The following STXBP3 variants were observed in gnomAD, a reference collection of about 807,000 sequenced individuals.
The protein encoded by STXBP3 is syntaxin binding protein 3, also known as syntaxin-binding protein 3.
A neutral mutation model predicts 85.7 loss-of-function variants in STXBP3; 41 were observed. The ratio of observed to expected loss-of-function variants is 0.48; its 90% CI spans 0.37 to 0.62. The LOEUF (loss-of-function observed/expected upper bound fraction) is 0.62. Ranked by LOEUF, STXBP3 falls within the 20% of genes least tolerant of loss-of-function variation. The pLI is 0.00. For missense variants in STXBP3, 563 were observed against 703.1 expected, an observed-to-expected ratio of 0.80 and a Z score of 2.25; for synonymous variants, 229 against 231.7, an observed-to-expected ratio of 0.99 and a Z score of 0.10.
At chr1:108,806,162 G>A (rs1416147963) in intron 17 of STXBP3, among the ~76,000 whole-genome samples, 1 of 151,370 alleles carries the variant, frequency 6.6e-6, no homozygotes, top group East Asian at 1.9e-4. Flanking sequence ...AGTGGAGCTT[G>A]TGAACAAAAA....
At position 108,779,674 on chromosome 1, in the gene STXBP3, A is replaced by C. The variant is rs75919641; in HGVS notation, c.809+264A>C. 2,201 of 259,228 alleles carry C rather than the reference A, an allele frequency of 8.5e-3. 16 individuals carry two copies. Among genetic ancestry groups the C allele is most frequent in the Non-Finnish European group, 0.013 (1,767 of 140,372 alleles). The allele number at this position is 259,228 out of a possible 1,614,324, so 16.1% of individuals were successfully genotyped here. On this transcript the variant is annotated intron_variant, in intron 9 of 18. Transcript: ENST00000370008. Reference sequence around the variant, plus strand: ...GTACAGTAGAGCTACATTTAAACACAGGGAATTTGGCCCTTTTGCTTTTAA... The same window carrying C: ...GTACAGTAGAGCTACATTTAAACACCGGGAATTTGGCCCTTTTGCTTTTAA...
chr1:108,793,738 G>A lies in STXBP3; in HGVS notation c.1029+91G>A, dbSNP rs145687242. 1.9e-4 allele frequency: 207 copies of A among 1,069,038 alleles called. No homozygotes were observed. The East Asian group carries it at 4.1e-3, about 21-fold the overall frequency. 66.2% of individuals were successfully genotyped at this position (1,069,038 alleles called of 1,614,324 possible). Reference sequence around the variant, plus strand: ...GTAGTTCGATTTAGCAGTGGGTTTCGTGGAATACTTGGTGTTATTTGTCCT... The same window carrying A: ...GTAGTTCGATTTAGCAGTGGGTTTCATGGAATACTTGGTGTTATTTGTCCT... On this transcript the variant is annotated intron_variant, in intron 12 of 18. Transcript: ENST00000370008.
intron 6 of STXBP3, among the ~76,000 whole-genome samples, chr1:108,761,769 A>T (rs1257610867): frequency 6.6e-6 from 1 of 152,098 alleles, no homozygotes; most frequent in African/African-American, 2.4e-5. Flanking sequence ...TCAGGAGTTC[A>T]AGACCAGCCT....
At chr1:108,759,817 G>T (rs918651805) in intron 5 of STXBP3, among the ~76,000 whole-genome samples, 168 bp from the exon 6 acceptor site, 9 of 151,996 alleles carry the variant, frequency 5.9e-5, no homozygotes, top group Non-Finnish European at 1.2e-4. Context: ...CTTTTCAGTA[G>T]AATATATCTT....
intron 11 of STXBP3, among the ~76,000 whole-genome samples, chr1:108,789,067 AAAAAT>A (rs1276467945): frequency 1.3e-5 from 2 of 152,208 alleles, no homozygotes; most frequent in Non-Finnish European, 2.9e-5. Context: ...CCATGTAAAA[AAAAAT>A]AAAATAAAAT....
intron 8 of STXBP3, among the ~76,000 whole-genome samples, chr1:108,776,871 T>A (rs1425548704): frequency 6.6e-6 from 1 of 152,208 alleles, no homozygotes; most frequent in Admixed American, 6.5e-5. Context: ...TCACTAGTTC[T>A]GTGACCTTGA....
chr1:108,782,359 A>T (rs1340031645), intron 9 of STXBP3, 63 bp from the exon 10 acceptor site: 14 of 1,229,052 alleles, frequency 1.1e-5, no homozygotes, highest in Non-Finnish European at 1.5e-5. Context: ...GTTTGTAAAA[A>T]TGTTTCTTTT....
intron 9 of STXBP3, 68 bp from the exon 10 acceptor site, chr1:108,782,353 GT>G: frequency 8.4e-7 from 1 of 1,183,528 alleles, no homozygotes; most frequent in South Asian, 1.4e-5. Flanking sequence ...ATTATTGTTT[GT>G]AAAAATGTTT....
intron 6 of STXBP3, among the ~76,000 whole-genome samples, 172 bp from the exon 7 acceptor site, chr1:108,772,493 A>G (rs996003448): frequency 1.4e-5 from 2 of 143,602 alleles, no homozygotes; most frequent in Non-Finnish European, 3.0e-5. Context: ...TAAATACATG[A>G]TATCTATCTA....
rs1291295435 is a variant in STXBP3, at chr1:108,808,908, A to T, written c.*31A>T. On this transcript the variant is annotated 3_prime_UTR_variant, in exon 19 of 19. Transcript: ENST00000370008. Reference sequence around the variant, plus strand: ...CTTTTTGGAGGGTTTAGAGATTCTTACTAATATGTTGAACTAAAATAGAAA... The same window carrying T: ...CTTTTTGGAGGGTTTAGAGATTCTTTCTAATATGTTGAACTAAAATAGAAA... The T allele has an allele frequency of 6.9e-7, 1 of 1,443,298 alleles. No individual in the cohort carries two copies. Among genetic ancestry groups the T allele is most frequent in the African/African-American group, 1.4e-5 (1 of 69,766 alleles). The allele number at this position is 1,443,298 out of a possible 1,614,324, so 89.4% of individuals were successfully genotyped here.
At position 108,782,696 on chromosome 1, in the gene STXBP3, C is replaced by A; in HGVS notation, c.953C>A (p.Thr318Lys). The change falls in exon 11 of 19, where the codon ACA (threonine) becomes AAA (lysine). Residue 318 changes from threonine to lysine, a missense_variant. This residue lies in a region of STXBP3 where 494 missense variants were observed against 592.8 expected (regional missense o/e 0.83). Coordinates refer to ENST00000370008, the MANE Select transcript of STXBP3 (RefSeq NM_007269.4). The part of the protein sequence containing the change: ...MKEISSTKKA[T>K]EGKTSLSALT... ...GAAATTTCATCAACAAAGAAAGCAA[C>A]AGAAGGAAAGGTAAGAGTCTTACTT... 6.2e-7 allele frequency: 1 copy of A among 1,607,754 alleles called. No homozygotes were observed.
chr1:108,780,569 A>G (rs1255249818), intron 9 of STXBP3: 2 of 115,974 alleles, frequency 1.7e-5, no homozygotes, highest in African/African-American at 7.0e-5. Flanking sequence ...GGGTTTCCCC[A>G]TGTTGGCCAG....
Position 108,799,692 on chromosome 1 carries a change from T to C in STXBP3, c.1450-528T>C, listed in dbSNP as rs74225292. 0.011 allele frequency among the ~76,000 whole-genome samples: 1,648 copies of C among 152,320 alleles called. 65 individuals carry two copies. The South Asian group carries it at 0.12, about 11-fold the overall frequency. On this transcript the variant is annotated intron_variant, in intron 16 of 18. Transcript: ENST00000370008. The stretch of plus-strand genomic sequence containing the variant: ...ATGTGAGCATGAACCTATTTACTTA[T>C]AAGTTAAGCATTACTGTAATAAAAA...
rs530493612 is a variant in STXBP3 at position 108,759,857 on chromosome 1, T to C, written c.338-128T>C. On this transcript the variant is annotated intron_variant, in intron 5 of 18. Coordinates refer to ENST00000370008, the MANE Select transcript of STXBP3 (RefSeq NM_007269.4). ...AAAGCAAATAACAATATTTATATAT[T>C]ATTTATGTCCTCATAATAACTGTGA... 292 of 582,700 alleles carry C rather than the reference T, an allele frequency of 5.0e-4. 1 individual carries two copies. The African/African-American group carries it at 5.5e-3, about 11-fold the overall frequency. The allele number at this position is 582,700 out of a possible 1,614,324, so 36.1% of individuals were successfully genotyped here. A position where few individuals can be genotyped will look rare whatever the true frequency, so the allele number is the denominator to read the frequency against.
chr1:108,762,449 T>A (rs1662159309), intron 6 of STXBP3, among the ~76,000 whole-genome samples: 1 of 152,144 alleles, frequency 6.6e-6, no homozygotes, highest in African/African-American at 2.4e-5. Flanking sequence ...ATGGCCCTTA[T>A]GATCTAAGAT....
chr1:108,804,516 C>T lies in STXBP3; in HGVS notation c.1536-2885C>T, dbSNP rs528456837. ...ATACTCTTTGGGTTCAATTCTGTTG[C>T]CTTTTATTTCTGCAGACTCATAGTT... On this transcript the variant is annotated intron_variant, in intron 17 of 18. Coordinates refer to ENST00000370008, the MANE Select transcript of STXBP3 (RefSeq NM_007269.4). Among the ~76,000 whole-genome samples the T allele has an allele frequency of 2.0e-5, 3 of 152,180 alleles. No homozygotes were observed. In the East Asian group the frequency reaches 5.8e-4, roughly 29 times the overall value.
chr1:108,765,340 TAGGCCCACGCCA>T (rs1227557733), intron 6 of STXBP3, among the ~76,000 whole-genome samples: 1 of 152,208 alleles, frequency 6.6e-6, no homozygotes, highest in East Asian at 1.9e-4. Flanking sequence ...CCTCCATGGG[TAGGCCCACGCCA>T]AGGGAATTTT....
chr1:108,756,915 A>G (rs764525932), intron 4 of STXBP3, 149 bp downstream of exon 4: 1 of 450,762 alleles, frequency 2.2e-6, no homozygotes, highest in Non-Finnish European at 3.9e-6. Flanking sequence ...TTTCTGTGTT[A>G]GAAGATTATT....
chr1:108,758,791 A>G (rs1662071212), intron 5 of STXBP3, among the ~76,000 whole-genome samples: 1 of 152,214 alleles, frequency 6.6e-6, no homozygotes, highest in African/African-American at 2.4e-5. Flanking sequence ...ATCCTAATTC[A>G]TATTAAGGTG....
Sources: allele counts gnomAD v4.1 joint callset (sites outside exome capture counted in the v4.1 genomes callset), GRCh38; gene constraint gnomAD v4.1.1; regional missense constraint gnomAD v4.1.1; transcripts MANE v1.5; gene names NCBI Gene and HGNC (gene_info 2026-07-23, HGNC 2026-07-21).